The following DGKG variants were observed in gnomAD, a reference collection of about 807,000 sequenced individuals.
DGKG encodes the protein DAG kinase gamma.
Under a neutral mutation model 105.3 loss-of-function variants are expected in DGKG, and 78 were observed. The observed-to-expected ratio is 0.74, with a 90% confidence interval of 0.62 to 0.89. The LOEUF (loss-of-function observed/expected upper bound fraction) is 0.89, where lower values mean the gene tolerates loss of function less well. DGKG is among the 40% of genes least tolerant of loss of function. The probability of loss-of-function intolerance (pLI) is 0.00; values close to 1 mark genes in which losing one functional copy is unlikely to be tolerated. For synonymous variants in DGKG, 346 were observed against 367.1 expected (o/e 0.94, Z 0.66); for missense variants, 958 against 1,020.1 (o/e 0.94, Z 0.83).
At chr3:186,230,539 C>T (rs2268839) in intron 20 of DGKG, among the ~76,000 whole-genome samples, 3,136 of 152,004 alleles carry the variant, frequency 0.021, 53 homozygotes, top group East Asian at 0.098. Flanking sequence ...TTATAAAGGG[C>T]GCTAAATGCA....
intron 1 of DGKG, among the ~76,000 whole-genome samples, chr3:186,325,830 C>A (rs1047109364): frequency 6.6e-6 from 1 of 152,024 alleles, no homozygotes; most frequent in African/African-American, 2.4e-5. Context: ...CAGATTATTC[C>A]AGATTTGATC....
chr3:186,152,246 T>G (rs1488044616), intron 24 of DGKG, among the ~76,000 whole-genome samples: 3 of 152,138 alleles, frequency 2.0e-5, no homozygotes, highest in Non-Finnish European at 1.5e-5. Flanking sequence ...TGTTTTTTGA[T>G]AGTCACCAGA....
chr3:186,208,309 T>C (rs2108517092), intron 21 of DGKG, among the ~76,000 whole-genome samples: 1 of 152,222 alleles, frequency 6.6e-6, no homozygotes, highest in East Asian at 1.9e-4. Context: ...CTCAATGTGC[T>C]GGGATTACAA....
intron 20 of DGKG, among the ~76,000 whole-genome samples, chr3:186,218,502 GAAAAAAAA>G (rs10692822): frequency 1.4e-5 from 1 of 70,380 alleles, no homozygotes; most frequent in Non-Finnish European, 2.4e-5. Context: ...GACTCCGTCT[GAAAAAAAA>G]AAAAAAAAAA....
intron 14 of DGKG, among the ~76,000 whole-genome samples, chr3:186,262,625 T>G (rs1721829757): frequency 2.0e-5 from 3 of 152,236 alleles, no homozygotes; most frequent in African/African-American, 7.2e-5. Context: ...TTTCCTAACC[T>G]GGCATCAAAG....
intron 1 of DGKG, among the ~76,000 whole-genome samples, chr3:186,321,223 C>T (rs1464731322): frequency 1.3e-5 from 2 of 152,060 alleles, no homozygotes; most frequent in African/African-American, 4.8e-5. Flanking sequence ...TCAATGAGGC[C>T]GGGAAATGGG....
Position 186,253,182 on chromosome 3 carries a change from T to A in DGKG, c.1511A>T (p.Asp504Val). 6.2e-7 allele frequency: 1 copy of A among 1,613,530 alleles called. No homozygotes were observed. Among genetic ancestry groups the A allele is most frequent in the Non-Finnish European group, 8.5e-7 (1 of 1,179,430 alleles). The change falls in exon 18 of 25, where the codon GAT (aspartate) becomes GTT (valine). Residue 504 changes from aspartate to valine, a missense_variant and splice_region_variant. By Grantham distance (152) the Asp-to-Val change is radical (BLOSUM62 -3). Coordinates refer to ENST00000265022, the MANE Select transcript of DGKG (RefSeq NM_001346.3). ...TGGATGCTTTGCAAAGTTGGCCTTA[T>A]CTGCAAGACACACAGAGGAACAGAG... ...GTVGWILDCI[D>V]KANFAKHPPV...
intron 2 of DGKG, among the ~76,000 whole-genome samples, chr3:186,314,561 C>A (rs1724723933): frequency 6.6e-6 from 1 of 152,020 alleles, no homozygotes; most frequent in African/African-American, 2.4e-5. Context: ...TCGAGACCAG[C>A]CTGGCCAACA....
Position 186,275,529 on chromosome 3 carries a change from T to G in DGKG, c.910+18A>C. ...AAGATAGTGCCTGGGGGAAGAGGTT[T>G]GAAGGAAATTTACTCACAAGTGCAG... On this transcript the variant is annotated intron_variant, in intron 10 of 24. Transcript: ENST00000265022. The G allele has an allele frequency of 6.2e-7, 1 of 1,605,528 alleles. No individual in the cohort carries two copies. Among genetic ancestry groups the G allele is most frequent in the Non-Finnish European group, 8.5e-7 (1 of 1,172,140 alleles).
chr3:186,183,247 A>C (rs999302038), intron 22 of DGKG, among the ~76,000 whole-genome samples: 14 of 152,150 alleles, frequency 9.2e-5, no homozygotes, highest in African/African-American at 3.4e-4. Context: ...CCACCACTGG[A>C]CGTAAATTAT....
intron 1 of DGKG, among the ~76,000 whole-genome samples, chr3:186,345,175 T>C (rs1726269949): frequency 6.6e-6 from 1 of 152,232 alleles, no homozygotes; most frequent in African/African-American, 2.4e-5. Flanking sequence ...ATATTTGTCA[T>C]GAATTGCATT....
intron 22 of DGKG, among the ~76,000 whole-genome samples, chr3:186,172,171 A>G (rs993471775): frequency 6.6e-6 from 1 of 152,218 alleles, no homozygotes; most frequent in African/African-American, 2.4e-5. Context: ...TGCATTAGTG[A>G]AAATTCAATC....
chr3:186,246,394 A>G (rs1345864817), intron 19 of DGKG, among the ~76,000 whole-genome samples: 1 of 152,238 alleles, frequency 6.6e-6, no homozygotes, highest in East Asian at 1.9e-4. Flanking sequence ...AGTATTGTAT[A>G]TTTTATACTT....
intron 5 of DGKG, among the ~76,000 whole-genome samples, chr3:186,291,519 C>A (rs1032337157): frequency 6.6e-6 from 1 of 152,072 alleles, no homozygotes. Flanking sequence ...AACAGACGAA[C>A]AAATTGTGGA....
chr3:186,304,454 C>A (rs1452667567), intron 3 of DGKG, among the ~76,000 whole-genome samples: 2 of 152,196 alleles, frequency 1.3e-5, no homozygotes, highest in African/African-American at 4.8e-5. Context: ...TCTGTTGATT[C>A]ATTTCCAGTG....
At chr3:186,217,581 A>G (rs1250364195) in intron 20 of DGKG, among the ~76,000 whole-genome samples, 1 of 152,248 alleles carries the variant, frequency 6.6e-6, no homozygotes, top group Non-Finnish European at 1.5e-5. Flanking sequence ...TTCATTAGAC[A>G]GATGAGAGAA....
At chr3:186,184,898 C>A (rs959789979) in intron 22 of DGKG, among the ~76,000 whole-genome samples, 9 of 152,070 alleles carry the variant, frequency 5.9e-5, no homozygotes, top group African/African-American at 2.2e-4. Context: ...CTATAAATCC[C>A]GGGACAAAAT....
In DGKG at chr3:186,267,222, G is replaced by T. The variant is rs530847503; in HGVS notation, c.1209+463C>A. Among the ~76,000 whole-genome samples the T allele has an allele frequency of 2.8e-4, 43 of 152,300 alleles. 1 individual carries two copies. The highest frequency in any genetic ancestry group is 4.7e-4 in the Non-Finnish European group (32 of 68,016). On this transcript the variant is annotated intron_variant, in intron 13 of 24. Coordinates refer to ENST00000265022, the MANE Select transcript of DGKG (RefSeq NM_001346.3). ...CTGGCCATGCATAGGTGGTGACTGA[G>T]GTTCCTTGTGCTGTGCTCTGCCTGC...
intron 3 of DGKG, among the ~76,000 whole-genome samples, chr3:186,302,152 C>T (rs1723950647): frequency 6.6e-6 from 1 of 152,092 alleles, no homozygotes; most frequent in African/African-American, 2.4e-5. Flanking sequence ...ATGTGCTGCT[C>T]TGCATTGATA....
Sources: gnomAD v4.1 joint callset for allele counts (sites outside exome capture counted in the v4.1 genomes callset) on GRCh38, gnomAD v4.1.1 for gene constraint, MANE v1.5 for transcripts, NCBI Gene and HGNC (gene_info 2026-07-23, HGNC 2026-07-21) for gene names.